ITIH2: variants seen among roughly 807,000 people sequenced by gnomAD.
ITIH2 encodes inter-alpha-trypsin inhibitor heavy chain 2, also known as inter-alpha-trypsin inhibitor heavy chain H2.
A neutral mutation model predicts 104.4 loss-of-function variants in ITIH2; 103 were observed. The ratio of observed to expected loss-of-function variants is 0.99; its 90% CI spans 0.84 to 1.16. ITIH2 has a LOEUF of 1.16. ITIH2 is among the 50% of genes most tolerant of loss of function. ITIH2 has a pLI of 0.00. For missense variants in ITIH2, 1,108 were observed against 1,162.4 expected (o/e 0.95, Z 0.68); for synonymous variants, 436 against 435.4 (o/e 1.00, Z -0.02).
Position 7,749,065 on chromosome 10 carries a change from C to T in ITIH2, c.2694-122C>T, listed in dbSNP as rs11817017. 433 of 921,346 alleles carry T rather than the reference C, an allele frequency of 4.7e-4. 2 individuals carry two copies. In the African/African-American group the frequency reaches 6.4e-3, roughly 14 times the overall value. The allele number at this position is 921,346 out of a possible 1,614,324, so 57.1% of individuals were successfully genotyped here. On this transcript the variant is annotated intron_variant, in intron 20 of 20. Coordinates refer to ENST00000358415, the MANE Select transcript of ITIH2 (RefSeq NM_002216.3). Reference sequence around the variant, plus strand: ...CTTTTTCACATGACTTGGGGAGCAGCGATAGGTGGGGGGCGGCAGATGTGG... The same window carrying T: ...CTTTTTCACATGACTTGGGGAGCAGTGATAGGTGGGGGGCGGCAGATGTGG...
chr10:7,706,504 T>C (rs1834748684), intron 2 of ITIH2, among the ~76,000 whole-genome samples: 1 of 152,206 alleles, frequency 6.6e-6, no homozygotes, highest in South Asian at 2.1e-4. Context: ...CCAGTCACTG[T>C]GTTTGCCTCA....
chr10:7,741,500 C>A (rs1835124684), intron 16 of ITIH2, among the ~76,000 whole-genome samples: 1 of 152,092 alleles, frequency 6.6e-6, no homozygotes, highest in Admixed American at 6.6e-5. Context: ...TTACAATGCC[C>A]TGTAGTGTCT....
intron 14 of ITIH2, among the ~76,000 whole-genome samples, chr10:7,734,310 G>A (rs150097923): frequency 1.4e-4 from 21 of 152,314 alleles, no homozygotes; most frequent in South Asian, 2.1e-4. Context: ...ATGGGGGACC[G>A]TGTGTATGCA....
Position 7,735,168 on chromosome 10 carries a change from G to A in ITIH2, c.1957+77G>A, listed in dbSNP as rs577837341. 494 of 1,348,400 alleles carry A rather than the reference G, an allele frequency of 3.7e-4. 6 individuals are homozygous for A. In the South Asian group the frequency reaches 4.0e-3, roughly 11 times the overall value. The allele number at this position is 1,348,400 out of a possible 1,614,324, so 83.5% of individuals were successfully genotyped here. A position where few individuals can be genotyped will look rare whatever the true frequency, so the allele number is the denominator to read the frequency against. On this transcript the variant is annotated intron_variant, in intron 15 of 20. Coordinates refer to ENST00000358415, the MANE Select transcript of ITIH2 (RefSeq NM_002216.3). Reference sequence around the variant, plus strand: ...GGGTGGGCGAAGTCCTAGTGCCTCCGCTCTCTCCCACCCCAGCCCACCTCT... The same window carrying A: ...GGGTGGGCGAAGTCCTAGTGCCTCCACTCTCTCCCACCCCAGCCCACCTCT...
chr10:7,748,771 C>T (rs966042512), intron 20 of ITIH2, among the ~76,000 whole-genome samples: 2 of 151,698 alleles, frequency 1.3e-5, no homozygotes, highest in African/African-American at 2.4e-5. Context: ...GTCTTGAACT[C>T]CTGGCCTCAA....
intron 12 of ITIH2, among the ~76,000 whole-genome samples, chr10:7,731,006 C>A (rs1341776239): frequency 6.6e-6 from 1 of 152,140 alleles, no homozygotes; most frequent in Non-Finnish European, 1.5e-5. Flanking sequence ...GCAACCTCCG[C>A]CTCCTGGGTT....
chr10:7,731,129 G>A (rs1407217373), intron 12 of ITIH2, among the ~76,000 whole-genome samples: 2 of 152,124 alleles, frequency 1.3e-5, no homozygotes, highest in African/African-American at 4.8e-5. Context: ...TGTTGGCGAG[G>A]CTGGTCTCAA....
chr10:7,740,432 G>A (rs1467834522), intron 16 of ITIH2, among the ~76,000 whole-genome samples: 2 of 152,206 alleles, frequency 1.3e-5, no homozygotes, highest in East Asian at 1.9e-4. Flanking sequence ...GAATCCGTGC[G>A]TAAGTTGATC....
At chr10:7,738,347 G>T (rs1385922332) in intron 15 of ITIH2, among the ~76,000 whole-genome samples, 1 of 143,008 alleles carries the variant, frequency 7.0e-6, no homozygotes, top group Non-Finnish European at 1.5e-5. Flanking sequence ...TCCCCGGCCT[G>T]CACTGGAGTC....
At chr10:7,712,417 G>C (rs1834804946) in intron 4 of ITIH2, among the ~76,000 whole-genome samples, 1 of 152,150 alleles carries the variant, frequency 6.6e-6, no homozygotes, top group South Asian at 2.1e-4. Flanking sequence ...CATTTGCGGG[G>C]AACATAAACA....
At position 7,717,707 on chromosome 10, in the gene ITIH2, C is replaced by T. The variant is rs1834863906; in HGVS notation, c.549C>T (p.Tyr183=). Residue 183 remains tyrosine (Y), a synonymous_variant, in exon 6 of 21, where the codon TAC becomes TAT. Coordinates refer to ENST00000358415, the MANE Select transcript of ITIH2 (RefSeq NM_002216.3). ...PGAKVQFELH[Y]QEVKWRKLGS... ...CAAAGGTGCAGTTCGAACTTCACTA[C>T]CAGGAGGTGAAGTGGAGGAAGCTGG... 2 of 1,613,526 alleles carry T rather than the reference C, an allele frequency of 1.2e-6. No homozygotes were observed. Among genetic ancestry groups the T allele is most frequent in the African/African-American group, 1.3e-5 (1 of 75,022 alleles).
In ITIH2 at chr10:7,703,492, G is replaced by A. The variant is rs267602582; in HGVS notation, c.58G>A (p.Glu20Lys). ...CTTTCTTTCTGAAGTATCAGGCTTC[G>A]AAATCCCCATAAATGGACTTTCTGA... Reference protein sequence around the residue: ...CFFLSEVSGFEIPINGLSEFV... With the variant: ...CFFLSEVSGFKIPINGLSEFV... The change falls in exon 1 of 21, where the codon GAA becomes AAA. Residue 20 changes from glutamate (E) to lysine (K), a missense_variant. Glu to Lys is a moderately conservative substitution (Grantham distance 56). Coordinates refer to ENST00000358415, the MANE Select transcript of ITIH2 (RefSeq NM_002216.3). 1.1e-5 allele frequency: 17 copies of A among 1,612,934 alleles called. No individual in the cohort carries two copies. Among genetic ancestry groups the A allele is most frequent in the Admixed American group, 6.7e-5 (4 of 59,994 alleles).
chr10:7,738,788 A>G (rs1041194998), intron 16 of ITIH2, 30 bp downstream of exon 16: 17 of 1,545,428 alleles, frequency 1.1e-5, no homozygotes, highest in African/African-American at 1.4e-5. Flanking sequence ...TGCACGTCCC[A>G]GAACTCAGCC....
chr10:7,716,871 A>G (rs2130943706), intron 5 of ITIH2, among the ~76,000 whole-genome samples: 1 of 152,006 alleles, frequency 6.6e-6, no homozygotes, highest in African/African-American at 2.4e-5. Context: ...TTATCTTTGA[A>G]CCACCCAACC....
intron 4 of ITIH2, among the ~76,000 whole-genome samples, chr10:7,712,506 T>G (rs1275643889): frequency 1.3e-5 from 2 of 152,142 alleles, no homozygotes; most frequent in African/African-American, 4.8e-5. Flanking sequence ...ATGAGATAAT[T>G]CGGAATTTAT....
At chr10:7,713,706 AGTT>A (rs1013972994) in intron 5 of ITIH2, among the ~76,000 whole-genome samples, 5 of 151,766 alleles carry the variant, frequency 3.3e-5, no homozygotes, top group East Asian at 1.9e-4. Context: ...TTTTAATTGT[AGTT>A]GTTGTTGTTG....
intron 5 of ITIH2, 119 bp downstream of exon 5, chr10:7,713,404 C>A: frequency 1.4e-6 from 1 of 691,558 alleles, no homozygotes; most frequent in Non-Finnish European, 2.5e-6. Context: ...CAATGGCAAC[C>A]TCCTCAGAGC....
intron 15 of ITIH2, among the ~76,000 whole-genome samples, chr10:7,735,317 C>T (rs1331805717): frequency 1.3e-5 from 2 of 152,142 alleles, no homozygotes; most frequent in African/African-American, 4.8e-5. Context: ...TGAAAACCTG[C>T]GTACCCCTTC....
At chr10:7,719,647 C>A (rs890604473) in intron 6 of ITIH2, among the ~76,000 whole-genome samples, 1 of 150,792 alleles carries the variant, frequency 6.6e-6, no homozygotes, top group Admixed American at 6.6e-5. Flanking sequence ...TGTAGTCCCA[C>A]CCACTTGGGA....
Sources: gnomAD v4.1 joint callset for allele counts (sites outside exome capture counted in the v4.1 genomes callset) on GRCh38, gnomAD v4.1.1 for gene constraint, MANE v1.5 for transcripts, NCBI Gene and HGNC (gene_info 2026-07-23, HGNC 2026-07-21) for gene names.